Variants in UNC13C observed in about 807,000 individuals in gnomAD.
UNC13C encodes the protein protein unc-13 homolog C.
A neutral mutation model predicts 245.4 loss-of-function variants in UNC13C; 174 were observed. The ratio of observed to expected loss-of-function variants is 0.71; its 90% CI spans 0.63 to 0.80. UNC13C has a LOEUF of 0.80. Ranked by LOEUF, UNC13C falls within the 30% of genes least tolerant of loss-of-function variation. UNC13C has a pLI of 0.00. For synonymous variants in UNC13C, 992 were observed against 895.1 expected (o/e 1.11, Z -1.93); for missense variants, 2,829 against 2,602.9 (o/e 1.09, Z -1.89).
At chr15:54,459,315 T>C (rs146994425) in intron 19 of UNC13C, among the ~76,000 whole-genome samples, 9 of 152,316 alleles carry the variant, frequency 5.9e-5, no homozygotes, top group Admixed American at 1.3e-4. Context: ...TTTTGTCTTA[T>C]AGCCCTTAAG....
chr15:54,270,393 C>A (rs1454597995), intron 10 of UNC13C, among the ~76,000 whole-genome samples: 1 of 152,112 alleles, frequency 6.6e-6, no homozygotes, highest in Non-Finnish European at 1.5e-5. Context: ...ACTTTAACTT[C>A]TGAGCTTTAG....
At chr15:54,528,069 A>C (rs1438669131) in intron 25 of UNC13C, among the ~76,000 whole-genome samples, 1 of 152,198 alleles carries the variant, frequency 6.6e-6, no homozygotes, top group Non-Finnish European at 1.5e-5. Context: ...ACTTGATTTT[A>C]TGTTATTAAA....
the UNC13C span, among the ~76,000 whole-genome samples, chr15:53,841,853 G>A: frequency 1.6e-4 from 24 of 152,126 alleles, no homozygotes; most frequent in African/African-American, 4.8e-4. Flanking sequence ...TTCAGTTACT[G>A]TTGCCATGGT....
rs1896955907 is a variant in UNC13C at position 54,044,708 on chromosome 15, G to T, written c.2983+28822G>T. Reference sequence around the variant, plus strand: ...ATAAATTTTATTGTGCATATTTGAGGTTTACAACATGATGTTATCAGATAC... The same window carrying T: ...ATAAATTTTATTGTGCATATTTGAGTTTTACAACATGATGTTATCAGATAC... On this transcript the variant is annotated intron_variant, in intron 2 of 32. Transcript: ENST00000260323. 2.0e-5 allele frequency among the ~76,000 whole-genome samples: 3 copies of T among 152,026 alleles called. No individual in the cohort carries two copies. In the South Asian group the frequency reaches 6.2e-4, roughly 32 times the overall value.
chr15:53,864,796 A>T, the UNC13C span, among the ~76,000 whole-genome samples: 1 of 152,198 alleles, frequency 6.6e-6, no homozygotes, highest in Non-Finnish European at 1.5e-5. Context: ...AGACCATATG[A>T]CAGGCTTCAG....
At chr15:53,850,129 G>A in the UNC13C span, among the ~76,000 whole-genome samples, 2 of 152,010 alleles carry the variant, frequency 1.3e-5, no homozygotes, top group African/African-American at 4.8e-5. Flanking sequence ...TAGAATTCTA[G>A]GGGGCGCTGG....
chr15:53,874,088 ATC>A, the UNC13C span, among the ~76,000 whole-genome samples: 1 of 151,644 alleles, frequency 6.6e-6, no homozygotes, highest in African/African-American at 2.4e-5. Flanking sequence ...CAATTTTCCC[ATC>A]TCAGCCTACT....
At chr15:53,949,204 T>C in the UNC13C span, among the ~76,000 whole-genome samples, 1 of 152,224 alleles carries the variant, frequency 6.6e-6, no homozygotes, top group African/African-American at 2.4e-5. Context: ...GTTTGGAGTA[T>C]GGCTACAGGT....
chr15:54,209,463 A>C (rs979267226), intron 4 of UNC13C, among the ~76,000 whole-genome samples: 8 of 151,528 alleles, frequency 5.3e-5, no homozygotes, highest in African/African-American at 1.9e-4. Context: ...TCAGGGCTGG[A>C]GTACAGCTGC....
chr15:54,206,992 C>A (rs1030589932), intron 4 of UNC13C, among the ~76,000 whole-genome samples: 1 of 151,860 alleles, frequency 6.6e-6, no homozygotes, highest in Non-Finnish European at 1.5e-5. Flanking sequence ...CCCAAGGTAC[C>A]CTAAGTAGCA....
chr15:54,541,914 G>C (rs1896263758), intron 26 of UNC13C, among the ~76,000 whole-genome samples: 1 of 152,008 alleles, frequency 6.6e-6, no homozygotes, highest in African/African-American at 2.4e-5. Context: ...TGCTGAAAAT[G>C]TATTTCCTTG....
intron 4 of UNC13C, among the ~76,000 whole-genome samples, chr15:54,185,988 C>A (rs1168670077): frequency 6.6e-6 from 1 of 151,630 alleles, no homozygotes; most frequent in East Asian, 1.9e-4. Flanking sequence ...TCCTTCACAT[C>A]CCTTGTAAGT....
At chr15:54,540,862 A>C (rs1896213587) in intron 26 of UNC13C, among the ~76,000 whole-genome samples, 1 of 152,096 alleles carries the variant, frequency 6.6e-6, no homozygotes, top group Admixed American at 6.6e-5. Flanking sequence ...ACACAAGATT[A>C]ATTCTTAGAC....
chr15:54,113,695 A>G (rs1378252881), intron 2 of UNC13C, among the ~76,000 whole-genome samples: 1 of 152,054 alleles, frequency 6.6e-6, no homozygotes, highest in Admixed American at 6.5e-5. Context: ...GCGTGGTGGC[A>G]CAAGCCTGTT....
At chr15:53,927,666 G>C in the UNC13C span, among the ~76,000 whole-genome samples, 1 of 152,170 alleles carries the variant, frequency 6.6e-6, no homozygotes, top group Non-Finnish European at 1.5e-5. Flanking sequence ...TTCAAAGGAG[G>C]GTTCTGAGCC....
chr15:54,408,637 GT>G, intron 18 of UNC13C, among the ~76,000 whole-genome samples: 1 of 152,156 alleles, frequency 6.6e-6, no homozygotes, highest in African/African-American at 2.4e-5. Context: ...GAGTTCTAAT[GT>G]TTATTTATCA....
chr15:53,925,821 C>T, the UNC13C span, among the ~76,000 whole-genome samples: 4 of 152,300 alleles, frequency 2.6e-5, no homozygotes, highest in South Asian at 4.1e-4. Flanking sequence ...CTTCCTTGTT[C>T]GGATCTTGTG....
At chr15:54,156,445 A>C (rs1485142361) in intron 4 of UNC13C, among the ~76,000 whole-genome samples, 1 of 152,186 alleles carries the variant, frequency 6.6e-6, no homozygotes, top group Non-Finnish European at 1.5e-5. Flanking sequence ...TATAATCTTC[A>C]CATATAAAGA....
the UNC13C span, among the ~76,000 whole-genome samples, chr15:53,884,969 G>T: frequency 6.6e-6 from 1 of 152,216 alleles, no homozygotes; most frequent in Non-Finnish European, 1.5e-5. Flanking sequence ...ACAGAACAGT[G>T]AAACTATTAG....
Sources: allele counts gnomAD v4.1 joint callset (sites outside exome capture counted in the v4.1 genomes callset), GRCh38; gene constraint gnomAD v4.1.1; transcripts MANE v1.5; gene names NCBI Gene and HGNC (gene_info 2026-07-23, HGNC 2026-07-21).